The following TENM3 variants were observed in gnomAD, a reference collection of about 807,000 sequenced individuals.
The protein encoded by TENM3 is teneurin transmembrane protein 3, also known as teneurin-3.
Under a neutral mutation model 255.1 loss-of-function variants are expected in TENM3, and 63 were observed. The observed-to-expected ratio is 0.25, with a 90% CI of 0.20 to 0.30. The LOEUF (loss-of-function observed/expected upper bound fraction) is 0.30. Ranked by LOEUF, TENM3 falls within the 10% of genes least tolerant of loss-of-function variation. The probability of loss-of-function intolerance (pLI) is 1.00; values close to 1 mark genes in which losing one functional copy is unlikely to be tolerated. For missense variants in TENM3, 2,929 were observed against 3,461.1 expected (o/e 0.85, Z 3.86); for synonymous variants, 1,306 against 1,322.3 (o/e 0.99, Z 0.27).
At chr4:182,332,711 A>G (rs1763855069) in intron 2 of TENM3, among the ~76,000 whole-genome samples, 1 of 145,642 alleles carries the variant, frequency 6.9e-6, no homozygotes, top group Non-Finnish European at 1.5e-5. Context: ...GAAAAAAGAA[A>G]AAAAAAAAAA....
the TENM3 span, among the ~76,000 whole-genome samples, chr4:181,553,377 T>C: frequency 6.6e-6 from 1 of 151,922 alleles, no homozygotes; most frequent in Non-Finnish European, 1.5e-5. Context: ...ATATATTTTA[T>C]GTATATATCC....
the TENM3 span, among the ~76,000 whole-genome samples, chr4:181,952,534 A>C: frequency 1.3e-5 from 2 of 152,234 alleles, no homozygotes; most frequent in Admixed American, 1.3e-4. Context: ...GTAAAGTGAT[A>C]GACACCAATA....
chr4:181,942,935 G>T, the TENM3 span, among the ~76,000 whole-genome samples: 1 of 152,028 alleles, frequency 6.6e-6, no homozygotes, highest in Non-Finnish European at 1.5e-5. Context: ...TCATACCTTT[G>T]ATAATAGGTT....
At chr4:182,642,616 A>G (rs1163840009) in intron 5 of TENM3, among the ~76,000 whole-genome samples, 1 of 152,202 alleles carries the variant, frequency 6.6e-6, no homozygotes, top group Non-Finnish European at 1.5e-5. Flanking sequence ...CCAAGAAAGG[A>G]TGGAAAGGAA....
the TENM3 span, among the ~76,000 whole-genome samples, chr4:181,605,566 GAAAGAGAGAGAAAGAAAGGAAA>G: frequency 7.8e-3 from 222 of 28,620 alleles, 26 homozygotes; most frequent in African/African-American, 0.011. Context: ...AAGAAAGAAA[GAAAGAGAGAGAAAGAAAGGAAA>G]GAAAGAAAGA....
At chr4:182,492,002 T>C (rs921730328) in intron 3 of TENM3, among the ~76,000 whole-genome samples, 2 of 152,168 alleles carry the variant, frequency 1.3e-5, no homozygotes, top group Non-Finnish European at 2.9e-5. Flanking sequence ...GGAATGGCAG[T>C]GGACTGCATC....
At chr4:182,392,308 T>C (rs954040353) in intron 3 of TENM3, among the ~76,000 whole-genome samples, 3 of 152,190 alleles carry the variant, frequency 2.0e-5, no homozygotes, top group African/African-American at 7.2e-5. Context: ...CGAAATCTGT[T>C]GAATCGCTTT....
intron 3 of TENM3, among the ~76,000 whole-genome samples, chr4:182,572,221 CAG>C (rs560748728): frequency 8.5e-4 from 129 of 152,278 alleles, no homozygotes; most frequent in African/African-American, 3.0e-3. Context: ...GTTTTTAAAA[CAG>C]AGACTTTGTA....
intron 3 of TENM3, among the ~76,000 whole-genome samples, chr4:182,388,547 G>A (rs897844): frequency 0.1 from 15,309 of 152,136 alleles, 1,363 homozygotes; most frequent in East Asian, 0.29. Flanking sequence ...TTTGCAGGAG[G>A]CTATGCAGCA....
At chr4:182,248,353 A>G (rs533351939) in intron 1 of TENM3, among the ~76,000 whole-genome samples, 1 of 152,298 alleles carries the variant, frequency 6.6e-6, no homozygotes, top group East Asian at 1.9e-4. Flanking sequence ...AAATTCTTAG[A>G]CCATTTTCAT....
intron 16 of TENM3, among the ~76,000 whole-genome samples, chr4:182,731,407 C>T (rs1760690712): frequency 6.6e-6 from 1 of 151,916 alleles, no homozygotes; most frequent in Non-Finnish European, 1.5e-5. Context: ...ACTTGGGAGG[C>T]TGAGGCAGGA....
At chr4:182,486,250 G>A (rs1457299) in intron 3 of TENM3, among the ~76,000 whole-genome samples, 101,835 of 145,846 alleles carry the variant, frequency 0.7, 37,025 homozygotes, top group East Asian at 0.92. Context: ...CTTTTAAAAA[G>A]ATTTAAAAAA....
the TENM3 span, among the ~76,000 whole-genome samples, chr4:181,614,470 A>G: frequency 6.6e-6 from 1 of 152,218 alleles, no homozygotes; most frequent in Non-Finnish European, 1.5e-5. Flanking sequence ...CCTGATTCCA[A>G]AAGTTTAGAT....
the TENM3 span, among the ~76,000 whole-genome samples, chr4:182,008,196 G>A: frequency 1.3e-5 from 2 of 152,040 alleles, no homozygotes; most frequent in Non-Finnish European, 2.9e-5. Flanking sequence ...TGATGATTAT[G>A]TGTCTTGGGG....
chr4:181,606,801 G>A, the TENM3 span, among the ~76,000 whole-genome samples: 2 of 151,902 alleles, frequency 1.3e-5, no homozygotes, highest in African/African-American at 4.8e-5. Flanking sequence ...GACTTCTAAT[G>A]AGGCCTCATA....
At chr4:181,746,609 A>G in the TENM3 span, among the ~76,000 whole-genome samples, 2 of 152,020 alleles carry the variant, frequency 1.3e-5, no homozygotes, top group African/African-American at 4.8e-5. Context: ...CAGCCATTTA[A>G]TTATCTACTT....
the TENM3 span, chr4:181,906,613 A>G: frequency 1.3e-5 from 2 of 152,264 alleles, no homozygotes; most frequent in African/African-American, 4.8e-5. Context: ...TCGCTTTAAC[A>G]CAAAGCACAA....
chr4:181,860,058 A>G, the TENM3 span, among the ~76,000 whole-genome samples: 1 of 152,316 alleles, frequency 6.6e-6, no homozygotes, highest in East Asian at 1.9e-4. Context: ...GATTATTACC[A>G]TTACAGGCAA....
At chr4:181,897,633 A>G in the TENM3 span, among the ~76,000 whole-genome samples, 1 of 152,202 alleles carries the variant, frequency 6.6e-6, no homozygotes, top group Non-Finnish European at 1.5e-5. Flanking sequence ...TATCATCTAC[A>G]TCTAAATCTG....
Sources: allele counts gnomAD v4.1 joint callset (sites outside exome capture counted in the v4.1 genomes callset), GRCh38; gene constraint gnomAD v4.1.1; transcripts MANE v1.5; gene names NCBI Gene and HGNC (gene_info 2026-07-23, HGNC 2026-07-21).